The following NOX4 variants were observed in gnomAD, a reference collection of about 807,000 sequenced individuals.
NOX4 encodes the protein NADPH oxidase 4.
Under a neutral mutation model 87.6 loss-of-function variants are expected in NOX4, and 69 were observed. That is an observed-to-expected ratio of 0.79 (90% CI 0.65 to 0.96). NOX4 has a LOEUF of 0.96. Among genes scored for constraint, NOX4 ranks in the 40% least tolerant of loss-of-function variants. The probability of loss-of-function intolerance (pLI) is 0.00; values close to 1 mark genes in which losing one functional copy is unlikely to be tolerated. For missense variants in NOX4, 680 were observed against 681.5 expected, an observed-to-expected ratio of 1.00 and a Z score of 0.02; for synonymous variants, 275 against 238.2, an observed-to-expected ratio of 1.15 and a Z score of -1.42.
At chr11:89,429,219 G>A (rs1000778670) in intron 7 of NOX4, among the ~76,000 whole-genome samples, 2 of 152,228 alleles carry the variant, frequency 1.3e-5, no homozygotes, top group East Asian at 1.9e-4. Flanking sequence ...AGTGTGTAGA[G>A]GAAAATTTAT....
chr11:89,417,976 T>A (rs1276978869), intron 8 of NOX4, among the ~76,000 whole-genome samples: 2 of 152,110 alleles, frequency 1.3e-5, no homozygotes, highest in Non-Finnish European at 2.9e-5. Flanking sequence ...ATTTTAAAGA[T>A]GTATTTTAAC....
At chr11:89,367,977 A>G (rs1939134531) in intron 12 of NOX4, among the ~76,000 whole-genome samples, 3 of 152,046 alleles carry the variant, frequency 2.0e-5, no homozygotes. Context: ...AGTTTGACCC[A>G]GAAAGCCTCC....
At chr11:89,474,796 A>G (rs1032875214) in intron 2 of NOX4, among the ~76,000 whole-genome samples, 1 of 152,122 alleles carries the variant, frequency 6.6e-6, no homozygotes, top group South Asian at 2.1e-4. Flanking sequence ...TTCTTTTGAC[A>G]TTTAATATAT....
chr11:89,567,635 T>A, the NOX4 span, among the ~76,000 whole-genome samples: 1 of 151,970 alleles, frequency 6.6e-6, no homozygotes, highest in Non-Finnish European at 1.5e-5. Context: ...AACCATCAGA[T>A]CTCATGAGAA....
the NOX4 span, among the ~76,000 whole-genome samples, chr11:89,585,263 T>C: frequency 6.6e-6 from 1 of 152,178 alleles, no homozygotes; most frequent in African/African-American, 2.4e-5. Context: ...CTGCTCCTCC[T>C]GGACACATTC....
chr11:89,577,337 T>C, the NOX4 span: 1 of 152,152 alleles, frequency 6.6e-6, no homozygotes, highest in Admixed American at 6.5e-5. Context: ...ACAGGAAAAC[T>C]TGATTTAAAA....
chr11:89,418,561 C>T (rs1274115192), intron 8 of NOX4, among the ~76,000 whole-genome samples: 1 of 151,450 alleles, frequency 6.6e-6, no homozygotes, highest in South Asian at 2.1e-4. Context: ...AGAGACAGTT[C>T]AGAAAATTGA....
chr11:89,462,567 A>G (rs78985395), intron 2 of NOX4, among the ~76,000 whole-genome samples: 1 of 152,084 alleles, frequency 6.6e-6, no homozygotes, highest in Non-Finnish European at 1.5e-5. Flanking sequence ...AGTATCAATT[A>G]TACATATATA....
the NOX4 span, among the ~76,000 whole-genome samples, chr11:89,518,018 C>T: frequency 1.3e-5 from 2 of 152,050 alleles, no homozygotes; most frequent in Non-Finnish European, 2.9e-5. Flanking sequence ...AGTATAGACA[C>T]TTTTACATTA....
chr11:89,351,818 G>A (rs1946467769), intron 13 of NOX4, among the ~76,000 whole-genome samples: 1 of 152,032 alleles, frequency 6.6e-6, no homozygotes, highest in Non-Finnish European at 1.5e-5. Context: ...AGTAAGCAAA[G>A]CTCACACCAG....
chr11:89,580,212 G>T, the NOX4 span, among the ~76,000 whole-genome samples: 1 of 152,028 alleles, frequency 6.6e-6, no homozygotes, highest in African/African-American at 2.4e-5. Flanking sequence ...TTGAGATAGG[G>T]TCTCACTCTG....
chr11:89,426,164 A>G (rs1231151622), intron 7 of NOX4, among the ~76,000 whole-genome samples: 1 of 152,196 alleles, frequency 6.6e-6, no homozygotes, highest in African/African-American at 2.4e-5. Flanking sequence ...ATTTCTCCAA[A>G]GTTTTGTATA....
the NOX4 span, among the ~76,000 whole-genome samples, chr11:89,532,908 T>C: frequency 4.6e-5 from 7 of 152,078 alleles, no homozygotes; most frequent in South Asian, 1.5e-3. Flanking sequence ...TCTCCTGTCA[T>C]CATGTAAGAT....
rs1438233486 is a variant in NOX4, at chr11:89,336,164, TAAAC to T, written c.1516-223_1516-220del. On this transcript the variant is annotated intron_variant, in intron 16 of 17. Coordinates refer to ENST00000263317, the MANE Select transcript of NOX4 (RefSeq NM_016931.5). ...TCCTTGAATTCCATTTGTTTGTTTT[TAAAC>T]AAACAAACAAAATCTATTCTGGTAA... 17 of 355,664 alleles carry T rather than the reference TAAAC, an allele frequency of 4.8e-5. No homozygotes were observed. In the East Asian group the frequency reaches 6.3e-4, roughly 13 times the overall value. The allele number at this position is 355,664 out of a possible 1,614,324, so 22.0% of individuals were successfully genotyped here.
chr11:89,577,762 G>T, the NOX4 span: 1 of 151,982 alleles, frequency 6.6e-6, no homozygotes, highest in Non-Finnish European at 1.5e-5. Context: ...TTCTTTTGGA[G>T]TACATGAGTG....
At chr11:89,587,522 A>G in the NOX4 span, among the ~76,000 whole-genome samples, 6 of 151,960 alleles carry the variant, frequency 3.9e-5, no homozygotes, top group African/African-American at 1.2e-4. Flanking sequence ...AGGGGAGGAA[A>G]ACTACCAGGG....
upstream of NOX4, among the ~76,000 whole-genome samples, chr11:89,501,166 G>A (rs1483931354): frequency 6.6e-6 from 1 of 152,006 alleles, no homozygotes; most frequent in Non-Finnish European, 1.5e-5. Context: ...ATGAAATAAA[G>A]TTAGGCAAGA....
the NOX4 span, among the ~76,000 whole-genome samples, chr11:89,527,103 G>T: frequency 6.6e-6 from 1 of 152,166 alleles, no homozygotes; most frequent in South Asian, 2.1e-4. Flanking sequence ...CAAAGAGACT[G>T]GTGAAATTTT....
At position 89,335,859 on chromosome 11, in the gene NOX4, T is replaced by G; in HGVS notation, c.1602A>C (p.Ala534=). ...PRWKLLFDEI[A]KYNRGKTVGV... The stretch of plus-strand genomic sequence containing the variant: ...ATAGTACTTACCCTCTGTTATATTT[T>G]GCTATTTCATCAAACAAAAGTTTCC... Residue 534 remains alanine (A), a synonymous_variant, in exon 17 of 18, where the codon GCA becomes GCC. Transcript: ENST00000263317. 6.3e-7 allele frequency: 1 copy of G among 1,586,114 alleles called. No individual in the cohort carries two copies. Among genetic ancestry groups the G allele is most frequent in the Non-Finnish European group, 8.6e-7 (1 of 1,160,096 alleles).
Sources: gnomAD v4.1 joint callset for allele counts (sites outside exome capture counted in the v4.1 genomes callset) on GRCh38, gnomAD v4.1.1 for gene constraint, MANE v1.5 for transcripts, NCBI Gene and HGNC (gene_info 2026-07-23, HGNC 2026-07-21) for gene names.